DAPP1: variants seen among roughly 807,000 people sequenced by gnomAD.
DAPP1 encodes dual adapter for phosphotyrosine and 3-phosphotyrosine and 3-phosphoinositide.
In DAPP1, 20 loss-of-function variants were observed where a neutral mutation model predicts 41.5. The ratio of observed to expected loss-of-function variants is 0.48; its 90% CI spans 0.34 to 0.70. The LOEUF (loss-of-function observed/expected upper bound fraction) is 0.70. Among genes scored for constraint, DAPP1 ranks in the 30% least tolerant of loss-of-function variants. DAPP1 has a pLI of 0.01. For missense variants in DAPP1, 233 were observed against 333.4 expected, an observed-to-expected ratio of 0.70 and a Z score of 2.35; for synonymous variants, 113 against 116.2, an observed-to-expected ratio of 0.97 and a Z score of 0.18.
chr4:99,837,151 C>T (rs956986333), intron 2 of DAPP1, among the ~76,000 whole-genome samples: 4 of 152,216 alleles, frequency 2.6e-5, no homozygotes, highest in African/African-American at 4.8e-5. Flanking sequence ...CTCTGTTTTA[C>T]AGGGCTCATG....
At chr4:99,860,759 A>C (rs1321547044) in intron 4 of DAPP1, among the ~76,000 whole-genome samples, 1 of 152,238 alleles carries the variant, frequency 6.6e-6, no homozygotes, top group South Asian at 2.1e-4. Context: ...ACTAAGACAT[A>C]TGATGACATC....
intron 4 of DAPP1, among the ~76,000 whole-genome samples, chr4:99,856,540 CAATGGAGTT>C: frequency 6.6e-6 from 1 of 152,226 alleles, no homozygotes; most frequent in East Asian, 1.9e-4. Flanking sequence ...TCACATAAGG[CAATGGAGTT>C]TTCAAAGAGC....
intron 4 of DAPP1, among the ~76,000 whole-genome samples, chr4:99,856,107 T>A (rs117072657): frequency 6.6e-6 from 1 of 152,188 alleles, no homozygotes; most frequent in South Asian, 2.1e-4. Context: ...TTTTTTTTTT[T>A]AAAGTGCTTC....
downstream of DAPP1, among the ~76,000 whole-genome samples, chr4:99,871,492 T>C (rs952074654): frequency 1.7e-4 from 26 of 151,946 alleles, no homozygotes; most frequent in Non-Finnish European, 3.4e-4. Flanking sequence ...AAGAAAAAAA[T>C]ACAAATATCA....
chr4:99,856,528 G>T (rs763362541), intron 4 of DAPP1, among the ~76,000 whole-genome samples: 4 of 152,206 alleles, frequency 2.6e-5, no homozygotes, highest in Admixed American at 6.5e-5. Context: ...TGAGGGGTCA[G>T]ATCACATAAG....
At chr4:99,855,850 G>C (rs1724027017) in intron 4 of DAPP1, among the ~76,000 whole-genome samples, 1 of 152,148 alleles carries the variant, frequency 6.6e-6, no homozygotes, top group Non-Finnish European at 1.5e-5. Flanking sequence ...TCAAACTTCT[G>C]CATTTTCTTT....
chr4:99,861,695 A>C, intron 5 of DAPP1, 70 bp downstream of exon 5: 356 of 1,487,906 alleles, frequency 2.4e-4, no homozygotes, highest in Non-Finnish European at 3.0e-4. Flanking sequence ...CTCAATTCTC[A>C]TCTTGATAGT....
At chr4:99,859,493 T>A (rs961535478) in intron 4 of DAPP1, among the ~76,000 whole-genome samples, 5 of 152,222 alleles carry the variant, frequency 3.3e-5, no homozygotes, top group Admixed American at 2.0e-4. Context: ...TGTATTTATC[T>A]GTCGATTCAT....
At chr4:99,862,986 T>C (rs1049817266) in intron 5 of DAPP1, 24 bp from the exon 6 acceptor site, 2 of 1,243,900 alleles carry the variant, frequency 1.6e-6, no homozygotes, top group Non-Finnish European at 2.2e-6. Context: ...TCTGTGTGTT[T>C]GTGTGTGTGT....
At chr4:99,842,483 C>T (rs1408090096) in intron 3 of DAPP1, among the ~76,000 whole-genome samples, 1 of 152,232 alleles carries the variant, frequency 6.6e-6, no homozygotes, top group African/African-American at 2.4e-5. Context: ...GAGTTAGAGT[C>T]CACCAGCTTT....
chr4:99,839,646 A>G (rs1005112034), intron 2 of DAPP1, among the ~76,000 whole-genome samples: 1 of 152,080 alleles, frequency 6.6e-6, no homozygotes, highest in South Asian at 2.1e-4. Context: ...GTCATATGTC[A>G]TTTCTATCAT....
chr4:99,842,920 C>G (rs1025843092), intron 3 of DAPP1, among the ~76,000 whole-genome samples: 1 of 147,900 alleles, frequency 6.8e-6, no homozygotes, highest in Admixed American at 6.6e-5. Flanking sequence ...GGCGCGATCT[C>G]GGCCCACTGC....
At chr4:99,829,621 G>A (rs961554053) in intron 1 of DAPP1, among the ~76,000 whole-genome samples, 5 of 152,236 alleles carry the variant, frequency 3.3e-5, no homozygotes, top group African/African-American at 1.2e-4. Context: ...CTGAGGGAAC[G>A]ACCAGAGACA....
chr4:99,829,715 T>C (rs1221744181), intron 1 of DAPP1, among the ~76,000 whole-genome samples: 1 of 152,148 alleles, frequency 6.6e-6, no homozygotes, highest in Non-Finnish European at 1.5e-5. Context: ...TTCTATACTA[T>C]CAAGAAGTTT....
At chr4:99,840,469 G>A (rs1723457920) in intron 3 of DAPP1, 47 bp downstream of exon 3, 2 of 1,580,784 alleles carry the variant, frequency 1.3e-6, no homozygotes, top group East Asian at 2.3e-5. Context: ...GTTTCGGGAT[G>A]GAGGAGAGAC....
intron 4 of DAPP1, among the ~76,000 whole-genome samples, chr4:99,859,697 C>T (rs1021927353): frequency 6.6e-6 from 1 of 152,204 alleles, no homozygotes; most frequent in African/African-American, 2.4e-5. Context: ...ACCACCCAGT[C>T]ATGCTTCAAT....
chr4:99,857,332 A>G (rs1724079214), intron 4 of DAPP1, among the ~76,000 whole-genome samples: 2 of 152,142 alleles, frequency 1.3e-5, no homozygotes, highest in African/African-American at 4.8e-5. Context: ...GAGAAAGAAG[A>G]GCTCTATTTT....
At chr4:99,834,170 C>A (rs923463855) in intron 1 of DAPP1, among the ~76,000 whole-genome samples, 1 of 152,134 alleles carries the variant, frequency 6.6e-6, no homozygotes, top group African/African-American at 2.4e-5. Context: ...AAAGATGGTG[C>A]AGAGCAATAT....
chr4:99,863,938 C>A, intron 7 of DAPP1, 83 bp downstream of exon 7: 1 of 912,866 alleles, frequency 1.1e-6, no homozygotes, highest in Non-Finnish European at 1.7e-6. Flanking sequence ...AGCTGTATAT[C>A]TTAATGTCTA....
Sources: allele counts gnomAD v4.1 joint callset (sites outside exome capture counted in the v4.1 genomes callset), GRCh38; gene constraint gnomAD v4.1.1; transcripts MANE v1.5; gene names NCBI Gene and HGNC (gene_info 2026-07-23, HGNC 2026-07-21).